MAP2: variants seen among roughly 807,000 people sequenced by gnomAD.
MAP2 encodes microtubule associated protein 2.
Under a neutral mutation model 137.6 loss-of-function variants are expected in MAP2, and 14 were observed. That is an observed-to-expected ratio of 0.10 (90% CI 0.07 to 0.16). The LOEUF is 0.16. MAP2 is among the 10% of genes least tolerant of loss of function. The pLI is 1.00. For synonymous variants in MAP2, 786 were observed against 782.3 expected (o/e 1.00, Z -0.08); for missense variants, 2,088 against 2,191.5 (o/e 0.95, Z 0.94).
intron 2 of MAP2, among the ~76,000 whole-genome samples, chr2:209,522,901 T>A: frequency 6.6e-6 from 1 of 152,026 alleles, no homozygotes; most frequent in Non-Finnish European, 1.5e-5. Flanking sequence ...GGTGGTGGAG[T>A]AAGTGTAGTT....
intron 2 of MAP2, among the ~76,000 whole-genome samples, chr2:209,535,554 G>A (rs1484048870): frequency 2.7e-5 from 4 of 148,140 alleles, no homozygotes; most frequent in South Asian, 4.2e-4. Flanking sequence ...GTCTGGCAAA[G>A]TGTCTTTTTT....
Position 209,455,151 on chromosome 2 carries a change from G to T in MAP2, c.-222+30875G>T, listed in dbSNP as rs916123914. Among the ~76,000 whole-genome samples, 2 of 152,130 alleles carry T rather than the reference G, an allele frequency of 1.3e-5. 1 individual carries two copies. Among genetic ancestry groups the T allele is most frequent in the African/African-American group, 4.8e-5 (2 of 41,426 alleles). ...ATCTCCAAATACCATCACATTGGAG[G>T]TTAGGTCTCCAACATATAAACCTTG... On this transcript the variant is annotated intron_variant, in intron 1 of 15. Coordinates refer to ENST00000682079, the MANE Select transcript of MAP2 (RefSeq NM_001375505.1).
At chr2:209,532,371 C>A (rs895446172) in intron 2 of MAP2, among the ~76,000 whole-genome samples, 6 of 152,098 alleles carry the variant, frequency 3.9e-5, no homozygotes, top group South Asian at 2.1e-4. Flanking sequence ...TTTTCTTTAT[C>A]ACATGCCTAA....
At chr2:209,498,375 TG>T (rs930733491) in intron 1 of MAP2, among the ~76,000 whole-genome samples, 1 of 152,178 alleles carries the variant, frequency 6.6e-6, no homozygotes, top group African/African-American at 2.4e-5. Flanking sequence ...TCTCACAGGT[TG>T]TTGAGTGCCT....
intron 1 of MAP2, among the ~76,000 whole-genome samples, chr2:209,425,401 A>G (rs1692282240): frequency 6.6e-6 from 1 of 152,156 alleles, no homozygotes; most frequent in Non-Finnish European, 1.5e-5. Flanking sequence ...TACAAAAGGA[A>G]ATAGGTACTT....
At chr2:209,661,769 TGGC>T in intron 5 of MAP2, 1 of 829,546 alleles carries the variant, frequency 1.2e-6, no homozygotes, top group Non-Finnish European at 1.5e-6. Context: ...ATATTTGGCT[TGGC>T]TTGTTGATGA....
intron 3 of MAP2, among the ~76,000 whole-genome samples, chr2:209,607,091 A>G (rs142329253): frequency 1.8e-4 from 28 of 152,328 alleles, no homozygotes; most frequent in African/African-American, 5.8e-4. Flanking sequence ...ACATGTTTCT[A>G]TGTTATGATG....
At chr2:209,427,368 G>A (rs1414952601) in intron 1 of MAP2, among the ~76,000 whole-genome samples, 1 of 152,118 alleles carries the variant, frequency 6.6e-6, no homozygotes, top group Non-Finnish European at 1.5e-5. Flanking sequence ...CTCTGTTATA[G>A]ATTAGTTAAA....
intron 13 of MAP2, among the ~76,000 whole-genome samples, chr2:209,723,138 A>G (rs2072020269): frequency 6.6e-6 from 1 of 152,172 alleles, no homozygotes; most frequent in Non-Finnish European, 1.5e-5. Context: ...AGAACAGTCA[A>G]GTGTACGAGG....
intron 4 of MAP2, among the ~76,000 whole-genome samples, chr2:209,645,841 TA>T (rs1246992395): frequency 6.6e-6 from 1 of 152,086 alleles, no homozygotes; most frequent in Non-Finnish European, 1.5e-5. Context: ...TTCTTGGGAA[TA>T]AAAGAAAATA....
intron 1 of MAP2, among the ~76,000 whole-genome samples, chr2:209,496,222 A>G (rs1323883468): frequency 1.3e-5 from 2 of 152,092 alleles, no homozygotes; most frequent in Non-Finnish European, 2.9e-5. Context: ...GCCGTATACC[A>G]CACTAAGTGC....
At chr2:209,630,597 T>C (rs554659073) in intron 4 of MAP2, among the ~76,000 whole-genome samples, 45 of 152,184 alleles carry the variant, frequency 3.0e-4, no homozygotes, top group South Asian at 1.2e-3. Flanking sequence ...AATCTCATGG[T>C]ACAGTTTATT....
rs1451645087 is a variant in MAP2 at position 209,577,229 on chromosome 2, C to T, written c.-171-2807C>T. ...AAGGGGCATTTTTTTTTTTGCGGGT[C>T]GGGGGAAGAATTCTAACCAGTATGT... On this transcript the variant is annotated intron_variant, in intron 2 of 15. Coordinates refer to ENST00000682079, the MANE Select transcript of MAP2 (RefSeq NM_001375505.1). Among the ~76,000 whole-genome samples the T allele has an allele frequency of 4.7e-5, 7 of 150,368 alleles. No homozygotes were observed. In the East Asian group the frequency reaches 7.8e-4, roughly 17 times the overall value.
At chr2:209,452,353 T>C (rs1309896359) in intron 1 of MAP2, among the ~76,000 whole-genome samples, 2 of 152,200 alleles carry the variant, frequency 1.3e-5, no homozygotes, top group Admixed American at 6.5e-5. Context: ...CCCTGGCAGG[T>C]CCTTCTCTCT....
At chr2:209,469,165 A>G (rs924315700) in intron 1 of MAP2, among the ~76,000 whole-genome samples, 3 of 152,226 alleles carry the variant, frequency 2.0e-5, no homozygotes, top group Non-Finnish European at 4.4e-5. Context: ...TTCCTCCATT[A>G]GGAAACTCAT....
intron 3 of MAP2, among the ~76,000 whole-genome samples, chr2:209,595,932 A>G (rs1430573808): frequency 6.6e-6 from 1 of 152,138 alleles, no homozygotes. Flanking sequence ...AGGGCAGGGA[A>G]CATCACACCT....
intron 14 of MAP2, among the ~76,000 whole-genome samples, chr2:209,728,555 G>T (rs1235007410): frequency 2.0e-5 from 3 of 152,198 alleles, no homozygotes; most frequent in Non-Finnish European, 4.4e-5. Context: ...AGAGGCCCCT[G>T]GCCAGGCAGT....
In MAP2 at chr2:209,521,559, TA is replaced by T. The variant is rs1052367934; in HGVS notation, c.-172+13930del. Among the ~76,000 whole-genome samples, 1,004 of 147,502 alleles carry T rather than the reference TA, an allele frequency of 6.8e-3. 10 individuals are homozygous for T. The highest frequency in any genetic ancestry group is 0.02 in the African/African-American group (794 of 39,750). ...TTCTTGTAAACTCTTTAATCTTATT[TA>T]AAAAAAAAAAATTTTTTAGGTTGTT... On this transcript the variant is annotated intron_variant, in intron 2 of 15. Coordinates refer to ENST00000682079, the MANE Select transcript of MAP2 (RefSeq NM_001375505.1).
At chr2:209,663,989 TAA>T (rs1448054082) in intron 5 of MAP2, among the ~76,000 whole-genome samples, 1 of 152,234 alleles carries the variant, frequency 6.6e-6, no homozygotes, top group Non-Finnish European at 1.5e-5. Flanking sequence ...CCATTAAAGA[TAA>T]AGAGCTGTTG....
Sources: allele counts gnomAD v4.1 joint callset (sites outside exome capture counted in the v4.1 genomes callset), GRCh38; gene constraint gnomAD v4.1.1; transcripts MANE v1.5; gene names NCBI Gene and HGNC (gene_info 2026-07-23, HGNC 2026-07-21).